The following KHDRBS2 variants were observed in gnomAD, a reference collection of about 807,000 sequenced individuals.
KHDRBS2 encodes KH domain-containing, RNA-binding, signal transduction-associated protein 2.
KHDRBS2 carries 26 observed loss-of-function variants against 44.3 expected under a neutral mutation model. The ratio of observed to expected loss-of-function variants is 0.59; its 90% CI spans 0.43 to 0.81. KHDRBS2 has a LOEUF of 0.81. Among genes scored for constraint, KHDRBS2 ranks in the 40% least tolerant of loss-of-function variants. KHDRBS2 has a pLI of 0.00. For synonymous variants in KHDRBS2, 194 were observed against 151.1 expected (o/e 1.28, Z -2.08); for missense variants, 476 against 433.1 (o/e 1.10, Z -0.88).
chr6:62,256,065 G>A (rs1837355240), intron 1 of KHDRBS2, among the ~76,000 whole-genome samples: 2 of 151,790 alleles, frequency 1.3e-5, no homozygotes, highest in Non-Finnish European at 1.5e-5. Flanking sequence ...AACCTGGGAG[G>A]CAGAGGTTGC....
At chr6:61,980,496 A>C (rs1288251767) in intron 3 of KHDRBS2, among the ~76,000 whole-genome samples, 1 of 152,194 alleles carries the variant, frequency 6.6e-6, no homozygotes, top group Non-Finnish European at 1.5e-5. Flanking sequence ...ATAGAAAATA[A>C]GTCTTATGTT....
chr6:61,543,361 T>G, the KHDRBS2 span, among the ~76,000 whole-genome samples: 1 of 151,848 alleles, frequency 6.6e-6, no homozygotes, highest in Non-Finnish European at 1.5e-5. Flanking sequence ...TATGTAGAGG[T>G]GCTCATCAAT....
At chr6:62,064,441 C>CA in intron 2 of KHDRBS2, among the ~76,000 whole-genome samples, 1 of 148,050 alleles carries the variant, frequency 6.8e-6, no homozygotes, top group Non-Finnish European at 1.5e-5. Flanking sequence ...AGATATAGAT[C>CA]AATGGAACAC....
the KHDRBS2 span, among the ~76,000 whole-genome samples, chr6:61,588,996 A>C: frequency 6.6e-6 from 1 of 152,120 alleles, no homozygotes. Context: ...GTTCTCACTC[A>C]TAAGTGGGAG....
intron 2 of KHDRBS2, among the ~76,000 whole-genome samples, chr6:62,075,038 G>T (rs1157326313): frequency 6.6e-6 from 1 of 151,916 alleles, no homozygotes; most frequent in African/African-American, 2.4e-5. Flanking sequence ...GAAATACAGA[G>T]ATACTGAGAC....
rs749478843 is a variant in KHDRBS2, at chr6:61,808,005, CA to C, written c.811-75242del. Among the ~76,000 whole-genome samples the C allele has an allele frequency of 1.5e-3, 229 of 152,124 alleles. 1 individual carries two copies. The highest frequency in any genetic ancestry group is 3.0e-3 in the Non-Finnish European group (201 of 67,992). ...CTGAAGAACAAATTAAATACTTTTT[CA>C]GTCACTTAAAGCAACTGCTTGGATG... On this transcript the variant is annotated intron_variant, in intron 6 of 8. Transcript: ENST00000281156.
intron 1 of KHDRBS2, among the ~76,000 whole-genome samples, chr6:62,217,143 T>C (rs1489126453): frequency 6.6e-6 from 1 of 151,706 alleles, no homozygotes; most frequent in African/African-American, 2.4e-5. Flanking sequence ...CAGAGAATAA[T>C]GCATGTGCTT....
intron 6 of KHDRBS2, among the ~76,000 whole-genome samples, chr6:61,768,489 T>C (rs952944222): frequency 2.0e-5 from 3 of 152,168 alleles, no homozygotes; most frequent in African/African-American, 7.2e-5. Context: ...CAATATCTCT[T>C]AGATTTGCAT....
chr6:62,221,511 T>G (rs1830889256), intron 1 of KHDRBS2, among the ~76,000 whole-genome samples: 1 of 152,146 alleles, frequency 6.6e-6, no homozygotes, highest in Non-Finnish European at 1.5e-5. Context: ...TATGTTCATT[T>G]GCTTCATTCT....
chr6:62,184,149 A>G (rs1299553132), intron 1 of KHDRBS2, among the ~76,000 whole-genome samples: 1 of 151,748 alleles, frequency 6.6e-6, no homozygotes, highest in Non-Finnish European at 1.5e-5. Flanking sequence ...ACAAATTTTC[A>G]CATGAAAATT....
intron 6 of KHDRBS2, among the ~76,000 whole-genome samples, chr6:61,813,074 T>C (rs537269616): frequency 2.2e-4 from 34 of 152,206 alleles, no homozygotes; most frequent in Admixed American, 2.2e-3. Context: ...TATATGTAAA[T>C]TATATGTATT....
chr6:61,992,160 T>C (rs1231171218), intron 3 of KHDRBS2, among the ~76,000 whole-genome samples: 1 of 152,188 alleles, frequency 6.6e-6, no homozygotes, highest in Non-Finnish European at 1.5e-5. Context: ...AAAATCAAAC[T>C]TGATCATATT....
At chr6:62,023,174 A>G (rs185719091) in intron 3 of KHDRBS2, among the ~76,000 whole-genome samples, 111 of 151,916 alleles carry the variant, frequency 7.3e-4, no homozygotes, top group East Asian at 6.6e-3. Flanking sequence ...ATACTAATCC[A>G]TATGTAAGAA....
intron 6 of KHDRBS2, among the ~76,000 whole-genome samples, chr6:61,843,260 G>T (rs1445672177): frequency 6.6e-6 from 1 of 151,524 alleles, no homozygotes; most frequent in African/African-American, 2.4e-5. Flanking sequence ...TTTTGGTGAT[G>T]GTTGCACAAC....
the KHDRBS2 span, among the ~76,000 whole-genome samples, chr6:61,665,546 C>T: frequency 5.3e-5 from 8 of 151,068 alleles, no homozygotes. Context: ...ACTTTCAAAA[C>T]TGTGTAATCA....
At chr6:61,666,365 A>T in the KHDRBS2 span, among the ~76,000 whole-genome samples, 2 of 151,480 alleles carry the variant, frequency 1.3e-5, no homozygotes, top group Non-Finnish European at 3.0e-5. Flanking sequence ...TTGTAGACAT[A>T]CTTGAAGTTA....
chr6:61,569,212 C>T, the KHDRBS2 span, among the ~76,000 whole-genome samples: 6 of 152,072 alleles, frequency 3.9e-5, no homozygotes, highest in South Asian at 2.1e-4. Context: ...ACCACCCTCC[C>T]GTTCCCCACA....
intron 6 of KHDRBS2, among the ~76,000 whole-genome samples, chr6:61,766,234 T>C (rs2127574401): frequency 6.6e-6 from 1 of 152,120 alleles, no homozygotes; most frequent in South Asian, 2.1e-4. Flanking sequence ...AATTTATACG[T>C]TTCTTCTAGG....
chr6:61,901,412 T>C (rs753258129), intron 4 of KHDRBS2, 41 bp from the exon 5 acceptor site: 1 of 1,521,352 alleles, frequency 6.6e-7, no homozygotes, highest in South Asian at 1.2e-5. Context: ...AAATGGGACA[T>C]GCCGTTCTCA....
Sources: allele counts gnomAD v4.1 joint callset (sites outside exome capture counted in the v4.1 genomes callset), GRCh38; gene constraint gnomAD v4.1.1; transcripts MANE v1.5; gene names NCBI Gene and HGNC (gene_info 2026-07-23, HGNC 2026-07-21).